Variants in MAST4 observed in about 807,000 individuals in gnomAD.
MAST4 encodes microtubule-associated serine/threonine-protein kinase 4.
MAST4 carries 89 observed loss-of-function variants against 162.7 expected under a neutral mutation model. The ratio of observed to expected loss-of-function variants is 0.55; its 90% CI spans 0.46 to 0.65. MAST4 has a LOEUF of 0.65. Among genes scored for constraint, MAST4 ranks in the 30% least tolerant of loss-of-function variants. The probability of loss-of-function intolerance (pLI) is 0.00; values close to 1 mark genes in which losing one functional copy is unlikely to be tolerated. For synonymous variants in MAST4, 1,479 were observed against 1,361.1 expected, an observed-to-expected ratio of 1.09 and a Z score of -1.91; for missense variants, 3,153 against 3,374.0, an observed-to-expected ratio of 0.93 and a Z score of 1.62.
At chr5:67,056,820 C>T (rs1259219838) in intron 5 of MAST4, among the ~76,000 whole-genome samples, 1 of 152,070 alleles carries the variant, frequency 6.6e-6, no homozygotes, top group African/African-American at 2.4e-5. Context: ...CCTCAGCCTC[C>T]TGGGTAGCTG....
At chr5:66,949,611 G>C (rs185056694) in intron 4 of MAST4, among the ~76,000 whole-genome samples, 88 of 152,262 alleles carry the variant, frequency 5.8e-4, no homozygotes, top group African/African-American at 2.0e-3. Flanking sequence ...AGCAGAGTGA[G>C]AACAGACTAA....
At chr5:67,028,862 C>T (rs1754979005) in intron 4 of MAST4, among the ~76,000 whole-genome samples, 2 of 152,112 alleles carry the variant, frequency 1.3e-5, no homozygotes, top group Admixed American at 6.5e-5. Flanking sequence ...GGCATGGTGA[C>T]TTATGCCTGT....
intron 4 of MAST4, among the ~76,000 whole-genome samples, chr5:66,947,005 G>T (rs1744107767): frequency 6.6e-6 from 1 of 152,064 alleles, no homozygotes; most frequent in South Asian, 2.1e-4. Context: ...CTAATGAGAT[G>T]TAAATAAAAT....
intron 4 of MAST4, among the ~76,000 whole-genome samples, chr5:66,953,819 G>A (rs1744978920): frequency 6.6e-6 from 1 of 152,118 alleles, no homozygotes. Context: ...TTGTTGTGGG[G>A]CAATATCTGT....
intron 3 of MAST4, among the ~76,000 whole-genome samples, chr5:66,789,988 A>ATTTTTTTTTTTTTTTTTTTT (rs57743987): frequency 9.5e-5 from 5 of 52,476 alleles, no homozygotes; most frequent in Non-Finnish European, 1.2e-4. Flanking sequence ...GCTTATTAGA[A>ATTTTTTTTTTTTTTTTTTTT]TTTTTTTTTT....
intron 1 of MAST4, among the ~76,000 whole-genome samples, chr5:66,723,364 T>C (rs940553821): frequency 1.3e-5 from 2 of 152,166 alleles, no homozygotes; most frequent in African/African-American, 4.8e-5. Flanking sequence ...TTAAGCCCTA[T>C]TTATTAAATG....
chr5:66,769,721 T>A (rs575711746), intron 2 of MAST4, among the ~76,000 whole-genome samples: 1 of 152,356 alleles, frequency 6.6e-6, no homozygotes, highest in South Asian at 2.1e-4. Context: ...CCCTCCTATG[T>A]GTAGTCCATT....
At chr5:66,703,064 T>G (rs1749882403) in intron 1 of MAST4, among the ~76,000 whole-genome samples, 1 of 152,158 alleles carries the variant, frequency 6.6e-6, no homozygotes, top group Non-Finnish European at 1.5e-5. Flanking sequence ...ATGCACATCC[T>G]TGTGGCTCCC....
chr5:66,946,375 G>T (rs1219071414), intron 4 of MAST4, among the ~76,000 whole-genome samples: 1 of 152,126 alleles, frequency 6.6e-6, no homozygotes, highest in African/African-American at 2.4e-5. Context: ...AGATATTGAT[G>T]TTTGCCTAAA....
intron 4 of MAST4, among the ~76,000 whole-genome samples, chr5:67,008,138 A>G (rs1330362621): frequency 1.3e-5 from 2 of 152,002 alleles, no homozygotes; most frequent in African/African-American, 2.4e-5. Context: ...CCTTCCCCTC[A>G]TTTCCTCAAG....
At chr5:66,984,048 T>A (rs558406812) in intron 4 of MAST4, among the ~76,000 whole-genome samples, 1 of 152,254 alleles carries the variant, frequency 6.6e-6, no homozygotes, top group South Asian at 2.1e-4. Flanking sequence ...AGGGATACGG[T>A]GACAGACAGG....
Position 67,149,584 on chromosome 5 carries a change from C to T in MAST4, c.3290C>T (p.Pro1097Leu), listed in dbSNP as rs769092432. ...GCCAGTGCTCTTTCCCTCATGATCC[C>T]AGGAGGTAGAGAGATACTACTTGCA... Reference protein sequence around the residue: ...LSASALSLMIPGDMFAVSPLG... With the variant: ...LSASALSLMILGDMFAVSPLG... Residue 1097 changes from proline to leucine, a missense_variant, in exon 24 of 29, where the codon CCA (proline) becomes CTA (leucine). Physicochemically the swap from Pro to Leu is moderately conservative, Grantham distance 98 (BLOSUM62 -3). This residue lies in a region of MAST4 where 619 missense variants were observed against 744.2 expected (regional missense o/e 0.83). Transcript: ENST00000403625. 1.2e-6 allele frequency: 2 copies of T among 1,613,386 alleles called. No individual in the cohort carries two copies. Among genetic ancestry groups the T allele is most frequent in the African/African-American group, 1.3e-5 (1 of 74,926 alleles).
At position 67,164,059 on chromosome 5, in the gene MAST4, C is replaced by A; in HGVS notation, c.4880C>A (p.Ala1627Glu). The A allele has an allele frequency of 6.4e-7, 1 of 1,567,780 alleles. No homozygotes were observed. Among genetic ancestry groups the A allele is most frequent in the Non-Finnish European group, 8.6e-7 (1 of 1,156,206 alleles). ...GCGATGTCGGATGGCCGGGTGCCTG[C>A]GGAGCACCGCCAGGGTGGCGGGGAC... ...EGAMSDGRVP[A>E]EHRQGGGDFR... Residue 1627 changes from alanine to glutamate, a missense_variant, in exon 29 of 29, where the codon GCG becomes GAG. Physicochemically the swap from Ala to Glu is moderately radical, Grantham distance 107 (BLOSUM62 -1). Around this residue, in one of 7 missense-constraint regions of MAST4, gnomAD observed 1,644 missense variants for 1,495.0 expected, o/e 1.10. Transcript: ENST00000403625. The surrounding 1 kb of genome is among the most constrained non-coding windows in gnomAD (Gnocchi z 5.3).
intron 4 of MAST4, among the ~76,000 whole-genome samples, chr5:66,913,701 C>T (rs191955003): frequency 4.1e-4 from 62 of 152,280 alleles, no homozygotes; most frequent in East Asian, 2.3e-3. Context: ...GGAGCTAAGC[C>T]GTCTTTCCCT....
chr5:67,103,984 A>G (rs1765320641), intron 9 of MAST4, among the ~76,000 whole-genome samples: 2 of 152,208 alleles, frequency 1.3e-5, no homozygotes, highest in Admixed American at 1.3e-4. Context: ...TCACTTATGT[A>G]CCCTCAGATC....
At chr5:66,658,565 G>T (rs1337546664) in intron 1 of MAST4, among the ~76,000 whole-genome samples, 12 of 152,214 alleles carry the variant, frequency 7.9e-5, no homozygotes, top group Non-Finnish European at 1.5e-5. Flanking sequence ...TGAATTTGCA[G>T]AAAAGCAGCA....
chr5:66,934,848 G>A (rs1391194243), intron 4 of MAST4, among the ~76,000 whole-genome samples: 3 of 152,134 alleles, frequency 2.0e-5, no homozygotes, highest in African/African-American at 7.2e-5. Flanking sequence ...GAGTAAAAAG[G>A]TCTCTGCCGT....
intron 4 of MAST4, among the ~76,000 whole-genome samples, chr5:66,928,103 T>C (rs1765039092): frequency 6.6e-6 from 1 of 152,228 alleles, no homozygotes; most frequent in African/African-American, 2.4e-5. Context: ...GCAAAGACCC[T>C]ATTTCCAAAT....
chr5:66,889,356 A>G (rs562291926), intron 3 of MAST4, among the ~76,000 whole-genome samples: 39 of 152,330 alleles, frequency 2.6e-4, no homozygotes, highest in African/African-American at 8.4e-4. Flanking sequence ...ATTCTAGGAA[A>G]AAAAGGAAAT....
Sources: gnomAD v4.1 joint callset for allele counts (sites outside exome capture counted in the v4.1 genomes callset) on GRCh38, gnomAD v4.1.1 for gene constraint, gnomAD v4.1.1 regional missense constraint, Gnocchi (gnomAD v3.1) non-coding constraint, MANE v1.5 for transcripts, NCBI Gene and HGNC (gene_info 2026-07-23, HGNC 2026-07-21) for gene names.